The following HSF1 variants were observed in gnomAD, a reference collection of about 807,000 sequenced individuals.
The protein encoded by HSF1 is heat shock factor protein 1.
HSF1 carries 32 observed loss-of-function variants against 51.7 expected under a neutral mutation model. The ratio of observed to expected loss-of-function variants is 0.62; its 90% CI spans 0.47 to 0.83. The LOEUF (loss-of-function observed/expected upper bound fraction) is 0.83, where lower values mean the gene tolerates loss of function less well. Ranked by LOEUF, HSF1 falls within the 40% of genes least tolerant of loss-of-function variation. The pLI is 0.00. For synonymous variants in HSF1, 396 were observed against 309.7 expected, an observed-to-expected ratio of 1.28 and a Z score of -2.92; for missense variants, 727 against 717.0, an observed-to-expected ratio of 1.01 and a Z score of -0.16.
Position 144,311,318 on chromosome 8 carries a change from C to T in HSF1, c.565-3C>T. The T allele has an allele frequency of 1.9e-6, 3 of 1,613,956 alleles. No individual in the cohort carries two copies. The highest frequency in any genetic ancestry group is 1.7e-6 in the Non-Finnish European group (2 of 1,180,008). On this transcript the variant is annotated splice_region_variant and splice_polypyrimidine_tract_variant and intron_variant, in intron 5 of 12. Transcript: ENST00000528838. ...GGGGTAACTGTGTCCTCTCTCTCCA[C>T]AGCTCATTCAGTTCCTGATCTCACT...
intron 1 of HSF1, among the ~76,000 whole-genome samples, chr8:144,307,828 G>A (rs1432983064): frequency 6.6e-6 from 1 of 152,172 alleles, no homozygotes; most frequent in African/African-American, 2.4e-5. Flanking sequence ...TTCTTACTAA[G>A]ATTCAGCTGT....
Position 144,314,000 on chromosome 8 carries a change from T to C in HSF1, c.1330T>C (p.Ser444Pro), listed in dbSNP as rs1364691022. 3.7e-6 allele frequency: 6 copies of C among 1,610,546 alleles called. No individual in the cohort carries two copies. Among genetic ancestry groups the C allele is most frequent in the Non-Finnish European group, 5.1e-6 (6 of 1,179,254 alleles). Residue 444 changes from serine to proline, a missense_variant, in exon 12 of 13, where the codon TCT becomes CCT. Ser to Pro is a moderately conservative substitution (Grantham distance 74). This residue lies in a region of HSF1 where 470 missense variants were observed against 398.8 expected (regional missense o/e 1.18). Transcript: ENST00000528838. ...CACCCCACAGATCCAAGAGCTCCTGTCTCCCCAGGAGCCCCCCAGGCCTCC... is the reference window on the plus strand; with the variant it reads ...CACCCCACAGATCCAAGAGCTCCTGCCTCCCCAGGAGCCCCCCAGGCCTCC... Reference protein sequence around the residue: ...SSLASIQELLSPQEPPRPPEA... With the variant: ...SSLASIQELLPPQEPPRPPEA...
chr8:144,313,950 G>C lies in HSF1; in HGVS notation c.1315-35G>C, dbSNP rs375603510. The C allele has an allele frequency of 1.6e-3, 2,540 of 1,610,660 alleles. 6 individuals are homozygous for C. The highest frequency in any genetic ancestry group is 1.8e-3 in the Non-Finnish European group (2,156 of 1,179,264). On this transcript the variant is annotated intron_variant, in intron 11 of 12. Transcript: ENST00000528838. Reference sequence around the variant, plus strand: ...CGGGGGGTGAGGGGGAACGAGACCAGCGGGAGTGCTCACAATACCGTCTCC... The same window carrying C: ...CGGGGGGTGAGGGGGAACGAGACCACCGGGAGTGCTCACAATACCGTCTCC...
At position 144,311,726 on chromosome 8, in the gene HSF1, C is replaced by T. The variant is rs1816677078; in HGVS notation, c.750C>T (p.Ser250=). The change falls in exon 8 of 13, where the codon TCC becomes TCT. Residue 250 remains serine, a synonymous_variant. Coordinates refer to ENST00000528838, the MANE Select transcript of HSF1 (RefSeq NM_005526.4). ...YSAPSPAYSS[S]SLYAPDAVAS... ...CCCCCTCCCCAGCCTACAGCAGCTC[C>T]AGCCTCTACGCCCCTGATGCTGTGG... is the stretch of plus-strand genomic sequence containing the variant. 3 of 1,612,482 alleles carry T rather than the reference C, an allele frequency of 1.9e-6. No individual in the cohort carries two copies. Among genetic ancestry groups the T allele is most frequent in the African/African-American group, 1.3e-5 (1 of 75,022 alleles).
Position 144,313,644 on chromosome 8 carries a change from C to G in HSF1, c.1248+28C>G, listed in dbSNP as rs566199526. On this transcript the variant is annotated intron_variant, in intron 10 of 12. Coordinates refer to ENST00000528838, the MANE Select transcript of HSF1 (RefSeq NM_005526.4). ...GAGTGGAGCCCCGCCGCCCCGCCTC[C>G]CCGCCCCGCCTCCCCGCCGCGCCGC... 98 of 379,192 alleles carry G rather than the reference C, an allele frequency of 2.6e-4. 1 individual carries two copies. Among genetic ancestry groups the G allele is most frequent in the African/African-American group, 2.4e-3 (50 of 21,074 alleles). 23.5% of individuals were successfully genotyped at this position (379,192 alleles called of 1,614,324 possible).
chr8:144,309,659 A>C, intron 3 of HSF1, 68 bp downstream of exon 3: 3 of 1,106,580 alleles, frequency 2.7e-6, no homozygotes, highest in Non-Finnish European at 3.8e-6. Flanking sequence ...CCCCTCCCTG[A>C]GGGCTCCCAC....
chr8:144,305,478 T>C (rs1210065620), intron 1 of HSF1, among the ~76,000 whole-genome samples: 2 of 151,932 alleles, frequency 1.3e-5, no homozygotes, highest in East Asian at 3.9e-4. Context: ...TTTTTTTGTA[T>C]TTTTAGTAGA....
intron 1 of HSF1, among the ~76,000 whole-genome samples, chr8:144,305,300 T>G (rs1340635596): frequency 2.6e-5 from 4 of 151,100 alleles, no homozygotes; most frequent in Non-Finnish European, 5.9e-5. Context: ...CTCATTTTTG[T>G]TTTTGTTTTT....
rs374244880 is a variant in HSF1, at chr8:144,308,005, C to G, written c.118-901C>G. On this transcript the variant is annotated intron_variant, in intron 1 of 12. Coordinates refer to ENST00000528838, the MANE Select transcript of HSF1 (RefSeq NM_005526.4). ...GTACATCCCTGTGTATTTCACATCT[C>G]TCTATGCTGGAAAGAGGTTCTCCAC... 1.1e-4 allele frequency among the ~76,000 whole-genome samples: 17 copies of G among 152,346 alleles called. No individual in the cohort carries two copies. The East Asian group carries it at 2.7e-3, about 24-fold the overall frequency.
rs782246057 is a variant in HSF1 at position 144,308,984 on chromosome 8, A to G, written c.196A>G (p.Met66Val). 2 of 1,613,978 alleles carry G rather than the reference A, an allele frequency of 1.2e-6. No individual in the cohort carries two copies. The highest frequency in any genetic ancestry group is 1.7e-6 in the Non-Finnish European group (2 of 1,179,862). Residue 66 changes from methionine (M) to valine (V), a missense_variant, in exon 2 of 13, where the codon ATG (methionine) becomes GTG (valine). Met to Val is a conservative substitution (Grantham distance 21, BLOSUM62 1). Transcript: ENST00000528838. Reference protein sequence around the residue: ...VLPKYFKHNNMASFVRQLNMY... With the variant: ...VLPKYFKHNNVASFVRQLNMY... ...GCCCAAGTACTTCAAGCACAACAAC[A>G]TGGCCAGCTTCGTGCGGCAGCTCAA...
chr8:144,296,806 CAA>C (rs72033767), intron 1 of HSF1, among the ~76,000 whole-genome samples: 168 of 135,086 alleles, frequency 1.2e-3, no homozygotes, highest in Admixed American at 1.8e-3. Flanking sequence ...GACTCCATCT[CAA>C]AAAAAAAAAA....
At chr8:144,309,952 C>T in intron 4 of HSF1, 56 bp downstream of exon 4, 2 of 1,576,806 alleles carry the variant, frequency 1.3e-6, no homozygotes, top group South Asian at 2.3e-5. Context: ...CACCAAGAGG[C>T]CCCGGGTGCT....
At chr8:144,312,712 G>A in intron 9 of HSF1, 1 of 1,535,290 alleles carries the variant, frequency 6.5e-7, no homozygotes, top group Non-Finnish European at 8.7e-7. Flanking sequence ...TCCAGCCAGG[G>A]TTAGCGCTGA....
chr8:144,305,680 CCTT>C (rs1205295353), intron 1 of HSF1, among the ~76,000 whole-genome samples: 5 of 150,366 alleles, frequency 3.3e-5, no homozygotes, highest in Admixed American at 2.0e-4. Context: ...TTTGCTGACT[CCTT>C]CTTCTCCTAG....
intron 1 of HSF1, among the ~76,000 whole-genome samples, chr8:144,304,139 T>C (rs1044638907): frequency 3.7e-5 from 4 of 107,968 alleles, no homozygotes; most frequent in African/African-American, 1.3e-4. Flanking sequence ...TATTTGGGAA[T>C]TGAGGGGAGA....
In HSF1 at chr8:144,311,687, C is replaced by A; in HGVS notation, c.724-13C>A. ...CTGCCGGCACTGCATGGACCTCCTG[C>A]CTTTGATTGCAGGCCCCCTCCCCAG... On this transcript the variant is annotated splice_polypyrimidine_tract_variant and intron_variant, in intron 7 of 12. Coordinates refer to ENST00000528838, the MANE Select transcript of HSF1 (RefSeq NM_005526.4). 1 of 1,608,864 alleles carries A rather than the reference C, an allele frequency of 6.2e-7. No individual in the cohort carries two copies. Among genetic ancestry groups the A allele is most frequent in the Non-Finnish European group, 8.5e-7 (1 of 1,177,562 alleles).
Position 144,312,264 on chromosome 8 carries a change from G to C in HSF1, c.1142+20G>C. On this transcript the variant is annotated intron_variant, in intron 9 of 12. Coordinates refer to ENST00000528838, the MANE Select transcript of HSF1 (RefSeq NM_005526.4). ...GGACAAGTGAGTGCCGCCCACCCCT[G>C]GCCCCACCCACAGCGCCTGGACGCA... 7.5e-7 allele frequency: 1 copy of C among 1,334,702 alleles called. No individual in the cohort carries two copies. Among genetic ancestry groups the C allele is most frequent in the Non-Finnish European group, 9.9e-7 (1 of 1,014,726 alleles). 82.7% of individuals were successfully genotyped at this position (1,334,702 alleles called of 1,614,324 possible).
intron 1 of HSF1, among the ~76,000 whole-genome samples, chr8:144,305,723 A>ATTTTTTTT (rs146075122): frequency 8.9e-5 from 7 of 78,520 alleles, no homozygotes; most frequent in Non-Finnish European, 1.3e-4. Flanking sequence ...CCTCTGGTTA[A>ATTTTTTTT]TTTTTTTTTT....
rs782194710 is a variant in HSF1 at position 144,313,631 on chromosome 8, GCCGCCCCGC to G, written c.1248+17_1248+25del. ...CCCTGCTGGACGTGAGTGGAGCCCC[GCCGCCCCGC>G]CTCCCCGCCCCGCCTCCCCGCCGCG... On this transcript the variant is annotated intron_variant, in intron 10 of 12. Coordinates refer to ENST00000528838, the MANE Select transcript of HSF1 (RefSeq NM_005526.4). The G allele has an allele frequency of 6.6e-6, 4 of 602,320 alleles. No individual in the cohort carries two copies. In the African/African-American group the frequency reaches 9.2e-5, roughly 14 times the overall value. The allele number at this position is 602,320 out of a possible 1,614,324, so 37.3% of individuals were successfully genotyped here.
Sources: allele counts gnomAD v4.1 joint callset (sites outside exome capture counted in the v4.1 genomes callset), GRCh38; gene constraint gnomAD v4.1.1; regional missense constraint gnomAD v4.1.1; transcripts MANE v1.5; gene names NCBI Gene and HGNC (gene_info 2026-07-23, HGNC 2026-07-21).